TNRC6A: variants seen among roughly 807,000 people sequenced by gnomAD.
TNRC6A encodes trinucleotide repeat containing adaptor 6A, also known as trinucleotide repeat-containing gene 6A protein.
A neutral mutation model predicts 221.2 loss-of-function variants in TNRC6A; 44 were observed. That is an observed-to-expected ratio of 0.20 (90% CI 0.16 to 0.26). TNRC6A has a LOEUF of 0.26. Among genes scored for constraint, TNRC6A ranks in the 10% least tolerant of loss-of-function variants. TNRC6A has a pLI of 1.00. For synonymous variants in TNRC6A, 847 were observed against 838.5 expected (o/e 1.01, Z -0.18); for missense variants, 2,199 against 2,404.4 (o/e 0.91, Z 1.79).
intron 2 of TNRC6A, among the ~76,000 whole-genome samples, chr16:24,669,734 C>A (rs2055250243): frequency 6.6e-6 from 1 of 151,928 alleles, no homozygotes; most frequent in Non-Finnish European, 1.5e-5. Context: ...ATTGTGTAAT[C>A]CCCATGGTGC....
intron 2 of TNRC6A, among the ~76,000 whole-genome samples, chr16:24,742,683 A>G (rs1332859550): frequency 6.6e-6 from 1 of 152,206 alleles, no homozygotes; most frequent in East Asian, 1.9e-4. Flanking sequence ...GCACTTTAGG[A>G]GGCCGAGACA....
At position 24,777,044 on chromosome 16, in the gene TNRC6A, A is replaced by G. The variant is rs373359237; in HGVS notation, c.275A>G (p.Asn92Ser). 4.0e-5 allele frequency: 65 copies of G among 1,613,894 alleles called. No homozygotes were observed. The highest frequency in any genetic ancestry group is 2.0e-4 in the Admixed American group (12 of 59,998). Residue 92 changes from asparagine to serine, a missense_variant, in exon 5 of 25, where the codon AAT becomes AGT. Around this residue, in one of 8 missense-constraint regions of TNRC6A, gnomAD observed 1,405 missense variants for 1,400.2 expected, o/e 1.00. Coordinates refer to ENST00000395799, the MANE Select transcript of TNRC6A (RefSeq NM_014494.4). The stretch of plus-strand genomic sequence containing the variant: ...AATGCCAAGCGAGCTACAGCCAACA[A>G]TCAGCAGCCACAGCAGCAGCAGCAA... Reference protein sequence around the residue: ...NNNAKRATANNQQPQQQQQQQ... With the variant: ...NNNAKRATANSQQPQQQQQQQ...
chr16:24,766,233 C>T (rs749936825), intron 4 of TNRC6A, among the ~76,000 whole-genome samples: 1 of 152,122 alleles, frequency 6.6e-6, no homozygotes, highest in Non-Finnish European at 1.5e-5. Context: ...ACTAGACGTT[C>T]GAGCATGAAT....
intron 2 of TNRC6A, among the ~76,000 whole-genome samples, chr16:24,733,756 T>C (rs2056698116): frequency 6.6e-6 from 1 of 152,198 alleles, no homozygotes; most frequent in Non-Finnish European, 1.5e-5. Context: ...ATTGCATGCT[T>C]TTTGTTGCGT....
In TNRC6A at chr16:24,692,662, G is replaced by A. The variant is rs1041723880; in HGVS notation, n.402+51653G>A. Reference sequence around the variant, plus strand: ...AATAGAAAAGAGGCTGCAGTGAGCCGTGATTGTGCCACTGCATTCCCACCT... The same window carrying A: ...AATAGAAAAGAGGCTGCAGTGAGCCATGATTGTGCCACTGCATTCCCACCT... On this transcript the variant is annotated intron_variant and non_coding_transcript_variant, in intron 2 of 2. Transcript: ENST00000566108. Among the ~76,000 whole-genome samples the A allele has an allele frequency of 1.6e-4, 25 of 151,958 alleles. 1 individual carries two copies. The highest frequency in any genetic ancestry group is 7.7e-4 in the East Asian group (4 of 5,188).
chr16:24,675,199 C>T (rs929658106), intron 2 of TNRC6A, among the ~76,000 whole-genome samples: 15 of 152,002 alleles, frequency 9.9e-5, no homozygotes, highest in African/African-American at 3.6e-4. Flanking sequence ...TTTATAATCC[C>T]AACATGGGGG....
At chr16:24,686,608 A>G (rs1327245060) in intron 2 of TNRC6A, among the ~76,000 whole-genome samples, 3 of 152,194 alleles carry the variant, frequency 2.0e-5, no homozygotes, top group Non-Finnish European at 4.4e-5. Flanking sequence ...ACATTTGCAT[A>G]GTAGATTAAG....
At chr16:24,632,880 A>C (rs548393603) in intron 1 of TNRC6A, among the ~76,000 whole-genome samples, 1 of 152,064 alleles carries the variant, frequency 6.6e-6, no homozygotes, top group South Asian at 2.1e-4. Context: ...GCGGTGGTGC[A>C]TGCATGTAAT....
chr16:24,738,809 G>A (rs1223974212), intron 2 of TNRC6A, among the ~76,000 whole-genome samples: 1 of 152,200 alleles, frequency 6.6e-6, no homozygotes, highest in Non-Finnish European at 1.5e-5. Context: ...ATACCTAGGG[G>A]TGGAATTGCT....
Position 24,825,553 on chromosome 16 carries a change from C to T in TNRC6A, c.*1746C>T, listed in dbSNP as rs999302180. On this transcript the variant is annotated 3_prime_UTR_variant, in exon 25 of 25. Transcript: ENST00000395799. ...TGTATGAGGGTTCTCATAGAGCAAC[C>T]GATTAAAAATCTAAGCAAATATTTG... is the stretch of plus-strand genomic sequence containing the variant. The T allele has an allele frequency of 3.9e-5, 6 of 152,492 alleles. No homozygotes were observed. The highest frequency in any genetic ancestry group is 8.8e-5 in the Non-Finnish European group (6 of 68,024). 9.4% of individuals were successfully genotyped at this position (152,492 alleles called of 1,614,324 possible). A position where few individuals can be genotyped will look rare whatever the true frequency, so the allele number is the denominator to read the frequency against.
intron 1 of TNRC6A, 117 bp from the exon 2 acceptor site, chr16:24,730,136 T>G: frequency 1.7e-5 from 8 of 469,256 alleles, no homozygotes; most frequent in Non-Finnish European, 2.7e-5. Context: ...CCCCGTCCTC[T>G]CCCCTCCCCC....
chr16:24,790,002 A>G lies in TNRC6A; in HGVS notation c.1360A>G (p.Asn454Asp). 6.2e-7 allele frequency: 1 copy of G among 1,614,238 alleles called. No individual in the cohort carries two copies. Among genetic ancestry groups the G allele is most frequent in the Non-Finnish European group, 8.5e-7 (1 of 1,180,040 alleles). Reference sequence around the variant, plus strand: ...TATTACCACTGAAATGACTGGACCAAATAACACTACTAACTTTATGACCTC... The same window carrying G: ...TATTACCACTGAAATGACTGGACCAGATAACACTACTAACTTTATGACCTC... ...QNITTEMTGP[N>D]NTTNFMTSSL... The change falls in exon 6 of 25, where the codon AAT (asparagine) becomes GAT (aspartate). Residue 454 changes from asparagine (N) to aspartate (D), a missense_variant. This residue lies in a region of TNRC6A where 1,405 missense variants were observed against 1,400.2 expected (regional missense o/e 1.00). Transcript: ENST00000395799.
chr16:24,641,672 A>C (rs1901959034), intron 2 of TNRC6A, among the ~76,000 whole-genome samples: 1 of 152,212 alleles, frequency 6.6e-6, no homozygotes, highest in Admixed American at 6.5e-5. Flanking sequence ...TGGTACTACA[A>C]GTAAGATATA....
chr16:24,711,327 G>A (rs1240107533), intron 2 of TNRC6A, among the ~76,000 whole-genome samples: 2 of 152,106 alleles, frequency 1.3e-5, no homozygotes, highest in East Asian at 3.9e-4. Context: ...CTTTTTTTGA[G>A]GCAGCTTTAT....
intron 2 of TNRC6A, among the ~76,000 whole-genome samples, chr16:24,731,557 G>T (rs1488818466): frequency 6.6e-6 from 1 of 152,128 alleles, no homozygotes; most frequent in Admixed American, 6.6e-5. Context: ...CATAAATTTT[G>T]TCAAAATCTA....
chr16:24,774,250 T>G (rs2057674573), intron 4 of TNRC6A, among the ~76,000 whole-genome samples: 1 of 152,242 alleles, frequency 6.6e-6, no homozygotes, highest in East Asian at 1.9e-4. Flanking sequence ...TTACTCCTTC[T>G]GCACTCATTA....
At chr16:24,731,451 G>A (rs982560077) in intron 2 of TNRC6A, among the ~76,000 whole-genome samples, 1 of 152,178 alleles carries the variant, frequency 6.6e-6, no homozygotes, top group Non-Finnish European at 1.5e-5. Flanking sequence ...GGCATCATTG[G>A]TTTACCCAGT....
chr16:24,819,681 A>C (rs890845727), intron 21 of TNRC6A: 7 of 207,758 alleles, frequency 3.4e-5, no homozygotes, highest in African/African-American at 1.4e-4. Context: ...TGCTCAGCAC[A>C]GAGAGGCAGG....
chr16:24,613,729 T>C (rs1220849865), intron 1 of TNRC6A, among the ~76,000 whole-genome samples: 2 of 151,816 alleles, frequency 1.3e-5, no homozygotes, highest in African/African-American at 4.8e-5. Context: ...AGAAACGTGG[T>C]TTCGCCATGT....
Sources: allele counts gnomAD v4.1 joint callset (sites outside exome capture counted in the v4.1 genomes callset), GRCh38; gene constraint gnomAD v4.1.1; regional missense constraint gnomAD v4.1.1; transcripts MANE v1.5; gene names NCBI Gene and HGNC (gene_info 2026-07-23, HGNC 2026-07-21).